The following KCTD2 variants were observed in gnomAD, a reference collection of about 807,000 sequenced individuals.
KCTD2 encodes the protein potassium channel tetramerization domain containing 2, also known as BTB/POZ domain-containing protein KCTD2.
In KCTD2, 18 loss-of-function variants were observed where a neutral mutation model predicts 27.9. The observed-to-expected ratio is 0.64, with a 90% confidence interval of 0.45 to 0.96. The LOEUF (loss-of-function observed/expected upper bound fraction) is 0.96. Among genes scored for constraint, KCTD2 ranks in the 40% least tolerant of loss-of-function variants. The probability of loss-of-function intolerance (pLI) is 0.00; values close to 1 mark genes in which losing one functional copy is unlikely to be tolerated. For missense variants in KCTD2, 280 were observed against 348.0 expected (o/e 0.80, Z 1.56); for synonymous variants, 175 against 148.4 (o/e 1.18, Z -1.30).
chr17:75,034,481 C>G (rs777244758), intron 2 of KCTD2, among the ~76,000 whole-genome samples: 1 of 152,188 alleles, frequency 6.6e-6, no homozygotes, highest in African/African-American at 2.4e-5. Flanking sequence ...AGGCCAGTGC[C>G]TTATCCATTA....
At position 75,063,488 on chromosome 17, in the gene KCTD2, G is replaced by A. The variant is rs570064491; in HGVS notation, c.*441G>A. Reference sequence around the variant, plus strand: ...CACAATGGACGTTAGCAGCTGCTTCGGAACACCGTCCCTCCTATGCACCCT... The same window carrying A: ...CACAATGGACGTTAGCAGCTGCTTCAGAACACCGTCCCTCCTATGCACCCT... On this transcript the variant is annotated 3_prime_UTR_variant, in exon 6 of 6. Coordinates refer to ENST00000322444, the MANE Select transcript of KCTD2 (RefSeq NM_015353.3). 82 of 196,834 alleles carry A rather than the reference G, an allele frequency of 4.2e-4. No individual in the cohort carries two copies. In the Middle Eastern group the frequency reaches 9.3e-3, roughly 22 times the overall value. 12.2% of individuals were successfully genotyped at this position (196,834 alleles called of 1,614,324 possible).
intron 2 of KCTD2, among the ~76,000 whole-genome samples, chr17:75,051,875 T>C (rs1046871052): frequency 6.6e-6 from 1 of 152,236 alleles, no homozygotes; most frequent in Admixed American, 6.5e-5. Context: ...AATTTATTCC[T>C]ATAGGATCAC....
At chr17:75,039,060 C>G in intron 3 of KCTD2, 1 of 1,613,900 alleles carries the variant, frequency 6.2e-7, no homozygotes, top group Non-Finnish European at 8.5e-7. Flanking sequence ...TTCATCTTCT[C>G]CATCTGGAAA....
intron 3 of KCTD2, chr17:75,038,876 T>G: frequency 6.4e-7 from 1 of 1,551,114 alleles, no homozygotes; most frequent in South Asian, 1.2e-5. Context: ...ATAATTATTA[T>G]TTTTAATGTC....
At chr17:75,034,294 C>T (rs989875319) in intron 2 of KCTD2, among the ~76,000 whole-genome samples, 2 of 152,150 alleles carry the variant, frequency 1.3e-5, no homozygotes, top group African/African-American at 4.8e-5. Context: ...ACCGCGACTG[C>T]AAACAGAGGG....
rs941952593 is a variant in KCTD2, at chr17:75,063,597, C to T, written c.*550C>T. On this transcript the variant is annotated 3_prime_UTR_variant, in exon 6 of 6. Transcript: ENST00000322444. ...GGTAAAGCATAGAGTTGCCAGAGTA[C>T]CCCGCATTCCCATGAATAGAGCCTC... is the stretch of plus-strand genomic sequence containing the variant. 1 of 155,028 alleles carries T rather than the reference C, an allele frequency of 6.5e-6. No homozygotes were observed. The highest frequency in any genetic ancestry group is 1.4e-5 in the Non-Finnish European group (1 of 69,608). 9.6% of individuals were successfully genotyped at this position (155,028 alleles called of 1,614,324 possible).
rs146827625 is a variant in KCTD2 at position 75,059,515 on chromosome 17, C to A, written c.546C>A (p.Pro182=). The change falls in exon 4 of 6, where the codon CCC becomes CCA. Residue 182 remains proline (P), a synonymous_variant. Coordinates refer to ENST00000322444, the MANE Select transcript of KCTD2 (RefSeq NM_015353.3). ...RDNENRTSQG[P]VKHVYRVLQC... ...TCTGCGCCTGGTCATTGCAGGGCCCCGTGAAGCACGTGTACAGAGTCCTGC... is the reference window on the plus strand; with the variant it reads ...TCTGCGCCTGGTCATTGCAGGGCCCAGTGAAGCACGTGTACAGAGTCCTGC... 1.8e-4 allele frequency: 287 copies of A among 1,611,842 alleles called. No homozygotes were observed. The highest frequency in any genetic ancestry group is 2.2e-4 in the Non-Finnish European group (255 of 1,178,556).
intron 1 of KCTD2, 64 bp from the exon 2 acceptor site, chr17:75,049,156 G>C: frequency 2.1e-6 from 2 of 963,528 alleles, no homozygotes; most frequent in Non-Finnish European, 3.1e-6. Flanking sequence ...GTGAAATCCT[G>C]CCCTGCCTTT....
chr17:75,061,997 C>G (rs2073408312), intron 4 of KCTD2, 123 bp from the exon 5 acceptor site: 5 of 1,100,528 alleles, frequency 4.5e-6, no homozygotes. Context: ...ACAGAGAACT[C>G]ATATAAAGAG....
In KCTD2 at chr17:75,047,529, G is replaced by T; in HGVS notation, c.279G>T (p.Glu93Asp). 3 of 1,611,588 alleles carry T rather than the reference G, an allele frequency of 1.9e-6. No homozygotes were observed. The highest frequency in any genetic ancestry group is 1.7e-6 in the Non-Finnish European group (2 of 1,179,458). The change falls in exon 1 of 6, where the codon GAG becomes GAT. Residue 93 changes from glutamate to aspartate, a missense_variant. By Grantham distance (45) the Glu-to-Asp change is conservative. Transcript: ENST00000322444. ...CCACCAGACAGACCTTAGGCCGGGA[G>T]CCCAAGTCATTTCTCTGCCGCCTCT... ...FVTTRQTLGR[E>D]PKSFLCRLCC...
chr17:75,047,255 C>T lies in KCTD2; in HGVS notation c.5C>T (p.Ala2Val), dbSNP rs1464108640. M[A>V]ELQLDPAMAG... Reference sequence around the variant, plus strand: ...CGGTGGCGGCGGCGGTCCAAGATGGCGGAACTGCAGCTGGACCCGGCGATG... The same window carrying T: ...CGGTGGCGGCGGCGGTCCAAGATGGTGGAACTGCAGCTGGACCCGGCGATG... Residue 2 changes from alanine (A) to valine (V), a missense_variant, in exon 1 of 6, where the codon GCG becomes GTG. Ala to Val is a moderately conservative substitution (Grantham distance 64). Transcript: ENST00000322444. The T allele has an allele frequency of 6.0e-6, 5 of 840,008 alleles. No homozygotes were observed. Among genetic ancestry groups the T allele is most frequent in the South Asian group, 3.9e-5 (1 of 25,416 alleles). 52.0% of individuals were successfully genotyped at this position (840,008 alleles called of 1,614,324 possible). A position where few individuals can be genotyped will look rare whatever the true frequency, so the allele number is the denominator to read the frequency against.
At chr17:75,058,099 G>A (rs1454834236) in intron 3 of KCTD2, among the ~76,000 whole-genome samples, 3 of 151,744 alleles carry the variant, frequency 2.0e-5, no homozygotes, top group Non-Finnish European at 2.9e-5. Flanking sequence ...CAAGGCGGGC[G>A]GATCACCTGA....
rs137917167 is a variant in KCTD2, at chr17:75,033,416, A to G, written c.-469-617A>G. On this transcript the variant is annotated intron_variant, in intron 1 of 7. Coordinates refer to the KCTD2 transcript ENST00000581589. ...TAGTATCTAGTATATATATATTTCT[A>G]CTATTACAACTGGAAGAACTTGTTC... 2.4e-4 allele frequency among the ~76,000 whole-genome samples: 36 copies of G among 152,110 alleles called. 1 individual carries two copies. The highest frequency in any genetic ancestry group is 6.3e-4 in the African/African-American group (26 of 41,498).
chr17:75,037,548 A>G (rs957170245), intron 3 of KCTD2, among the ~76,000 whole-genome samples: 25 of 152,164 alleles, frequency 1.6e-4, no homozygotes, highest in African/African-American at 5.3e-4. Context: ...CAAGACAGTA[A>G]ACAATCTAAA....
intron 3 of KCTD2, among the ~76,000 whole-genome samples, chr17:75,054,464 A>C (rs1045045705): frequency 6.6e-6 from 1 of 152,038 alleles, no homozygotes. Context: ...AATAGCTTCT[A>C]TTTGGCCCTT....
At chr17:75,042,744 T>C (rs895921723), upstream of KCTD2, 46 of 1,318,728 alleles carry the variant, frequency 3.5e-5, no homozygotes, top group Admixed American at 4.4e-5. Context: ...AAATAAGAGC[T>C]CTTAGAGAGA....
At chr17:75,052,115 A>G (rs2073294389) in intron 2 of KCTD2, among the ~76,000 whole-genome samples, 2 of 152,174 alleles carry the variant, frequency 1.3e-5, no homozygotes, top group Non-Finnish European at 2.9e-5. Flanking sequence ...ACATATGGGA[A>G]AAGTGTCCTG....
chr17:75,060,339 T>C (rs559347438), intron 4 of KCTD2, among the ~76,000 whole-genome samples: 1 of 152,290 alleles, frequency 6.6e-6, no homozygotes, highest in African/African-American at 2.4e-5. Context: ...AGCTGTGGTG[T>C]CCACTGGAAA....
At chr17:75,059,355 A>G (rs1383683040) in intron 3 of KCTD2, 155 bp from the exon 4 acceptor site, 1 of 457,138 alleles carries the variant, frequency 2.2e-6, no homozygotes, top group Non-Finnish European at 3.9e-6. Flanking sequence ...GAAACGCCAC[A>G]GTACTATTTG....
Sources: allele counts gnomAD v4.1 joint callset (sites outside exome capture counted in the v4.1 genomes callset), GRCh38; gene constraint gnomAD v4.1.1; transcripts MANE v1.5; gene names NCBI Gene and HGNC (gene_info 2026-07-23, HGNC 2026-07-21).